SYT16: variants seen among roughly 807,000 people sequenced by gnomAD.
The protein encoded by SYT16 is synaptotagmin 16.
In SYT16, 42 loss-of-function variants were observed where a neutral mutation model predicts 61.4. The observed-to-expected ratio is 0.68, with a 90% CI of 0.53 to 0.89. SYT16 has a LOEUF of 0.89. Ranked by LOEUF, SYT16 falls within the 40% of genes least tolerant of loss-of-function variation. The pLI is 0.00. For missense variants in SYT16, 804 were observed against 807.3 expected, an observed-to-expected ratio of 1.00 and a Z score of 0.05; for synonymous variants, 314 against 302.3, an observed-to-expected ratio of 1.04 and a Z score of -0.40.
chr14:61,903,325 C>T (rs533343723), intron 1 of SYT16, among the ~76,000 whole-genome samples: 78 of 151,578 alleles, frequency 5.1e-4, no homozygotes, highest in African/African-American at 1.6e-3. Context: ...ATTTTGTAAC[C>T]TTTTGTAAAT....
At chr14:61,872,872 A>C in intron 1 of SYT16, among the ~76,000 whole-genome samples, 1 of 152,244 alleles carries the variant, frequency 6.6e-6, no homozygotes. Flanking sequence ...TTAGTTTTGC[A>C]TAAATTGTTT....
chr14:61,979,564 T>A (rs1388480468), intron 2 of SYT16, among the ~76,000 whole-genome samples: 1 of 152,184 alleles, frequency 6.6e-6, no homozygotes, highest in Non-Finnish European at 1.5e-5. Flanking sequence ...CATATTCCCC[T>A]CCTTTTCTTT....
intron 1 of SYT16, among the ~76,000 whole-genome samples, chr14:61,857,223 T>C (rs1331458822): frequency 3.3e-5 from 5 of 152,226 alleles, no homozygotes; most frequent in Admixed American, 3.3e-4. Flanking sequence ...AATGGGAAGC[T>C]GGGACATGTG....
intron 2 of SYT16, among the ~76,000 whole-genome samples, chr14:61,983,737 A>C (rs941659008): frequency 2.0e-5 from 3 of 152,112 alleles, no homozygotes; most frequent in African/African-American, 7.2e-5. Flanking sequence ...TATGTTGCCT[A>C]GGCTGGTCTC....
chr14:62,068,717 T>C (rs1167324387), intron 3 of SYT16, among the ~76,000 whole-genome samples: 1 of 152,122 alleles, frequency 6.6e-6, no homozygotes, highest in Non-Finnish European at 1.5e-5. Flanking sequence ...AAAGGTTGGG[T>C]TGTTGATGCT....
At chr14:61,882,049 T>C (rs2047719567) in intron 1 of SYT16, among the ~76,000 whole-genome samples, 1 of 152,188 alleles carries the variant, frequency 6.6e-6, no homozygotes, top group Admixed American at 6.5e-5. Context: ...GCTTCGAATC[T>C]GTTTTTGTTC....
chr14:61,894,402 G>A (rs573759823), intron 1 of SYT16, among the ~76,000 whole-genome samples: 77 of 151,584 alleles, frequency 5.1e-4, no homozygotes, highest in Admixed American at 9.2e-4. Flanking sequence ...ACATAAGACC[G>A]TCCTATCTGC....
intron 3 of SYT16, among the ~76,000 whole-genome samples, chr14:62,026,579 C>A (rs1448240900): frequency 1.3e-5 from 2 of 152,178 alleles, no homozygotes; most frequent in Non-Finnish European, 2.9e-5. Context: ...CTTAATACTA[C>A]CACTTTGGCA....
chr14:61,909,785 G>T (rs529369378), intron 1 of SYT16, among the ~76,000 whole-genome samples: 3 of 152,300 alleles, frequency 2.0e-5, no homozygotes, highest in Non-Finnish European at 4.4e-5. Flanking sequence ...AGTTAGCTGA[G>T]AATTTTTCTT....
chr14:61,817,007 TCACACACA>T (rs35451986), intron 1 of SYT16, among the ~76,000 whole-genome samples: 1 of 115,788 alleles, frequency 8.6e-6, no homozygotes, highest in Admixed American at 8.1e-5. Context: ...TGAGGCTCCG[TCACACACA>T]CACACACACA....
At chr14:61,877,217 TC>T (rs1594809224) in intron 1 of SYT16, among the ~76,000 whole-genome samples, 2 of 152,230 alleles carry the variant, frequency 1.3e-5, no homozygotes, top group South Asian at 4.1e-4. Flanking sequence ...AGTGCAGTAC[TC>T]CGCCTTTTGT....
intron 1 of SYT16, among the ~76,000 whole-genome samples, chr14:61,898,341 G>A (rs905662160): frequency 6.6e-6 from 1 of 152,208 alleles, no homozygotes; most frequent in African/African-American, 2.4e-5. Context: ...GCATGCAAGA[G>A]AGACCTCTCT....
chr14:62,082,357 C>A (rs2056739249), intron 6 of SYT16, among the ~76,000 whole-genome samples: 1 of 152,174 alleles, frequency 6.6e-6, no homozygotes, highest in Admixed American at 6.5e-5. Context: ...CTCCCTAAAT[C>A]TATTCCCCCT....
At chr14:61,904,678 G>GC (rs1377373501) in intron 1 of SYT16, among the ~76,000 whole-genome samples, 1 of 152,212 alleles carries the variant, frequency 6.6e-6, no homozygotes, top group African/African-American at 2.4e-5. Flanking sequence ...TGCCTGAATA[G>GC]CTGGAAGAAG....
chr14:62,097,632 T>C (rs924892343), intron 7 of SYT16, among the ~76,000 whole-genome samples: 9 of 152,228 alleles, frequency 5.9e-5, no homozygotes, highest in African/African-American at 1.9e-4. Flanking sequence ...ACATTTTCCT[T>C]CCTTTTGTCT....
At chr14:61,909,853 T>C (rs1000145913) in intron 1 of SYT16, among the ~76,000 whole-genome samples, 6 of 152,214 alleles carry the variant, frequency 3.9e-5, no homozygotes, top group African/African-American at 1.4e-4. Context: ...CTTGGAGACG[T>C]CCTTGGTCTT....
chr14:62,093,418 T>A (rs1482955196), intron 7 of SYT16, among the ~76,000 whole-genome samples: 2 of 152,050 alleles, frequency 1.3e-5, no homozygotes, highest in African/African-American at 4.8e-5. Flanking sequence ...CAAAAATTGC[T>A]ATGTAAAAGA....
intron 1 of SYT16, among the ~76,000 whole-genome samples, chr14:61,927,624 C>T (rs543772188): frequency 6.9e-4 from 105 of 152,198 alleles, no homozygotes; most frequent in African/African-American, 2.2e-3. Flanking sequence ...ATTATTAAGG[C>T]AGAAGGTTGT....
At chr14:62,031,184 C>T (rs2054296521) in intron 3 of SYT16, among the ~76,000 whole-genome samples, 1 of 152,186 alleles carries the variant, frequency 6.6e-6, no homozygotes, top group Non-Finnish European at 1.5e-5. Context: ...GGCCACAATG[C>T]ATAAATAAAT....
Sources: allele counts gnomAD v4.1 joint callset (sites outside exome capture counted in the v4.1 genomes callset), GRCh38; gene constraint gnomAD v4.1.1; transcripts MANE v1.5; gene names NCBI Gene and HGNC (gene_info 2026-07-23, HGNC 2026-07-21).